OCRL: variants seen among roughly 807,000 people sequenced by gnomAD.
OCRL encodes OCRL inositol polyphosphate-5-phosphatase.
In OCRL, 8 loss-of-function variants were observed where a neutral mutation model predicts 78.9. That is an observed-to-expected ratio of 0.10 (90% CI 0.06 to 0.18). OCRL has a LOEUF of 0.18. OCRL is among the 10% of genes least tolerant of loss of function. OCRL has a pLI of 1.00. For missense variants in OCRL, 454 were observed against 696.7 expected (o/e 0.65, Z 3.92); for synonymous variants, 240 against 235.4 (o/e 1.02, Z -0.18).
chrX:129,558,934 C>G lies in OCRL; in HGVS notation c.655C>G (p.Arg219Gly). The change falls in exon 8 of 24, where the codon CGG becomes GGG. Residue 219 changes from arginine (R) to glycine (G), a missense_variant. Transcript: ENST00000371113. ...TGTACCAAATACCCAATCTGGGCAG[C>G]GGGAGGGTCTCATCAAACATATCCT... ...LFVPNTQSGQ[R>G]EGLIKHILAK... The G allele has an allele frequency of 5.0e-6, 6 of 1,210,769 alleles. No individual in the cohort carries two copies. The highest frequency in any genetic ancestry group is 6.7e-6 in the Non-Finnish European group (6 of 894,721).
intron 17 of OCRL, 120 bp downstream of exon 17, chrX:129,576,182 TG>T: frequency 1.1e-6 from 1 of 917,655 alleles, no homozygotes; most frequent in Non-Finnish European, 1.6e-6. Flanking sequence ...GTGATACCTC[TG>T]GTGTGTGTCC....
At chrX:129,542,380 A>C (rs952167845) in intron 2 of OCRL, among the ~76,000 whole-genome samples, 21 of 107,077 alleles carry the variant, frequency 2.0e-4, no homozygotes, top group Admixed American at 1.4e-3. Flanking sequence ...AGTTGTTGCT[A>C]TATTAGCAGT....
chrX:129,556,221 G>A (rs1936047538), intron 4 of OCRL, among the ~76,000 whole-genome samples: 1 of 111,982 alleles, frequency 8.9e-6, no homozygotes, highest in African/African-American at 3.2e-5. Flanking sequence ...TTATTTACAC[G>A]TGGTAAAGAG....
intron 3 of OCRL, among the ~76,000 whole-genome samples, chrX:129,547,480 G>A (rs1328195459): frequency 1.7e-4 from 17 of 100,413 alleles, no homozygotes; most frequent in East Asian, 9.6e-4. Flanking sequence ...AGCCGAGATC[G>A]TGCCACTGCA....
chrX:129,586,891 G>C (rs1936517727), intron 19 of OCRL, 111 bp from the exon 20 acceptor site: 1 of 585,612 alleles, frequency 1.7e-6, no homozygotes, highest in Admixed American at 2.2e-5. Flanking sequence ...AAAATCTTAA[G>C]AGATGAAGAT....
chrX:129,551,420 T>C (rs180940067), intron 4 of OCRL, among the ~76,000 whole-genome samples: 26 of 112,098 alleles, frequency 2.3e-4, no homozygotes, highest in Admixed American at 3.8e-4. Flanking sequence ...TGATAAGATA[T>C]AGATAATTGT....
At chrX:129,547,350 C>T (rs1483291346) in intron 3 of OCRL, among the ~76,000 whole-genome samples, 1 of 108,766 alleles carries the variant, frequency 9.2e-6, no homozygotes, top group Admixed American at 9.8e-5. Flanking sequence ...ACGATGAAAC[C>T]CCGTCTCTAC....
At position 129,590,238 on chromosome X, in the gene OCRL, C is replaced by T. The variant is rs1233884460; in HGVS notation, c.2674C>T (p.Leu892=). 8.3e-7 allele frequency: 1 copy of T among 1,211,453 alleles called. No individual in the cohort carries two copies. Among genetic ancestry groups the T allele is most frequent in the Admixed American group, 2.2e-5 (1 of 45,948 alleles). The part of the protein sequence containing the change: ...SDRQRAIQFL[L]GFLLGSEED ...CCGCCAGCGTGCTATTCAGTTCCTT[C>T]TGGGCTTTCTGCTTGGGAGCGAAGA... The change falls in exon 24 of 24, where the codon CTG becomes TTG. Residue 892 remains leucine (L), a synonymous_variant. Transcript: ENST00000371113.
At position 129,575,889 on chromosome X, in the gene OCRL, T is replaced by C; in HGVS notation, c.1714-8T>C. On this transcript the variant is annotated splice_region_variant and splice_polypyrimidine_tract_variant and intron_variant, in intron 16 of 23. Transcript: ENST00000371113. ...GATGCATGTTTGTGTCTGTCTGTTA[T>C]TCCCCAGTTTGTGTTTGAAAATGTG... 2 of 1,211,756 alleles carry C rather than the reference T, an allele frequency of 1.7e-6. No homozygotes were observed. The highest frequency in any genetic ancestry group is 3.5e-5 in the South Asian group (2 of 56,993).
chrX:129,558,674 G>T lies in OCRL; in HGVS notation c.481G>T (p.Asp161Tyr). The T allele has an allele frequency of 8.3e-7, 1 of 1,210,850 alleles. No homozygotes were observed. Among genetic ancestry groups the T allele is most frequent in the Non-Finnish European group, 1.1e-6 (1 of 894,686 alleles). ...FEDNFSSMNL[D>Y]KKINSQNQPT... ...AGACAATTTTTCTTCTATGAATTTGGACAAGAAAATAAATTCACAAAATCA... is the reference window on the plus strand; with the variant it reads ...AGACAATTTTTCTTCTATGAATTTGTACAAGAAAATAAATTCACAAAATCA... Residue 161 changes from aspartate to tyrosine, a missense_variant, in exon 7 of 24, where the codon GAC becomes TAC. Physicochemically the swap from Asp to Tyr is radical, Grantham distance 160. Around this residue, in one of 2 missense-constraint regions of OCRL, gnomAD observed 177 missense variants for 179.6 expected, o/e 0.99. Coordinates refer to ENST00000371113, the MANE Select transcript of OCRL (RefSeq NM_000276.4).
At chrX:129,590,021 T>TATACC in intron 23 of OCRL, 65 bp downstream of exon 23, 1 of 1,120,138 alleles carries the variant, frequency 8.9e-7, no homozygotes, top group Non-Finnish European at 1.2e-6. Flanking sequence ...GTATCCAGTA[T>TATACC]ATACCTTACT....
chrX:129,562,687 A>G lies in OCRL; in HGVS notation c.1145A>G (p.Asp382Gly). Residue 382 changes from aspartate (D) to glycine (G), a missense_variant, in exon 12 of 24, where the codon GAC (aspartate) becomes GGC (glycine). By Grantham distance (94) the Asp-to-Gly change is moderately conservative. This residue lies in a region of OCRL where 277 missense variants were observed against 517.1 expected (regional missense o/e 0.54). Coordinates refer to ENST00000371113, the MANE Select transcript of OCRL (RefSeq NM_000276.4). ...VNSHLAAHVE[D>G]FERRNQDYKD... ...TCCCATCTGGCTGCACACGTGGAGG[A>G]CTTTGAGAGAAGGAATCAAGATTAT... The G allele has an allele frequency of 8.3e-7, 1 of 1,211,095 alleles. No homozygotes were observed. Among genetic ancestry groups the G allele is most frequent in the Non-Finnish European group, 1.1e-6 (1 of 894,902 alleles).
chrX:129,551,560 G>T (rs758374284), intron 4 of OCRL, among the ~76,000 whole-genome samples: 1 of 111,256 alleles, frequency 9.0e-6, no homozygotes, highest in African/African-American at 3.3e-5. Flanking sequence ...TCAGCCTCCC[G>T]AGTAGCTGGG....
chrX:129,560,414 C>A (rs1936129072), intron 8 of OCRL, 136 bp from the exon 9 acceptor site: 1 of 418,299 alleles, frequency 2.4e-6, no homozygotes, highest in Non-Finnish European at 4.3e-6. Flanking sequence ...ATCTTTCTTA[C>A]ATATGTGGCA....
At chrX:129,544,411 A>G (rs953227534) in intron 2 of OCRL, among the ~76,000 whole-genome samples, 4 of 111,502 alleles carry the variant, frequency 3.6e-5, no homozygotes, top group Non-Finnish European at 7.5e-5. Flanking sequence ...ATTTTGACCA[A>G]TCCAGCTGGC....
At chrX:129,543,125 A>G (rs371814398) in intron 2 of OCRL, among the ~76,000 whole-genome samples, 1 of 112,097 alleles carries the variant, frequency 8.9e-6, no homozygotes, top group East Asian at 2.8e-4. Context: ...TTTCTGTTTG[A>G]CAACTACCAA....
chrX:129,565,443 C>T (rs762051304), intron 12 of OCRL, among the ~76,000 whole-genome samples: 33 of 112,270 alleles, frequency 2.9e-4, no homozygotes, highest in African/African-American at 1.1e-3. Flanking sequence ...ACCTGGCTAG[C>T]AGCCAGGCAA....
chrX:129,584,247 G>C, intron 18 of OCRL, 97 bp from the exon 19 acceptor site: 2 of 724,351 alleles, frequency 2.8e-6, no homozygotes, highest in Non-Finnish European at 4.4e-6. Context: ...TATCTGGTAA[G>C]ATAGTGAGTT....
chrX:129,579,351 A>G (rs1367607720), intron 18 of OCRL, among the ~76,000 whole-genome samples: 1 of 111,572 alleles, frequency 9.0e-6, no homozygotes, highest in Non-Finnish European at 1.9e-5. Context: ...CCCAAGACCC[A>G]ATATCGTATT....
Sources: gnomAD v4.1 joint callset for allele counts (sites outside exome capture counted in the v4.1 genomes callset) on GRCh38, gnomAD v4.1.1 for gene constraint, gnomAD v4.1.1 regional missense constraint, MANE v1.5 for transcripts, NCBI Gene and HGNC (gene_info 2026-07-23, HGNC 2026-07-21) for gene names.